The following PCCA variants were observed in gnomAD, a reference collection of about 807,000 sequenced individuals.
The protein encoded by PCCA is propionyl-CoA carboxylase subunit alpha, also known as propionyl-CoA carboxylase alpha chain, mitochondrial.
In PCCA, 74 loss-of-function variants were observed where a neutral mutation model predicts 101.3. That is an observed-to-expected ratio of 0.73 (90% CI 0.61 to 0.89). PCCA has a LOEUF of 0.89. PCCA is among the 40% of genes least tolerant of loss of function. The pLI is 0.00. For missense variants in PCCA, 891 were observed against 907.0 expected (o/e 0.98, Z 0.23); for synonymous variants, 294 against 313.6 (o/e 0.94, Z 0.66).
rs773402988 is a variant in PCCA at position 100,425,651 on chromosome 13, A to C, written c.1765A>C (p.Lys589Gln). The C allele has an allele frequency of 6.2e-7, 1 of 1,613,918 alleles. No homozygotes were observed. Among genetic ancestry groups the C allele is most frequent in the Non-Finnish European group, 8.5e-7 (1 of 1,179,762 alleles). Residue 589 changes from lysine to glutamine, a missense_variant, in exon 20 of 24, where the codon AAA becomes CAA. Lys to Gln is a moderately conservative substitution (Grantham distance 53). Transcript: ENST00000376285. ...ACAACAGGTGGAAGTTGATGGGTCG[A>C]AACTAAATGTGACCAGCACGTGGAA... is the stretch of plus-strand genomic sequence containing the variant. ...SVFSVEVDGS[K>Q]LNVTSTWNLA...
At chr13:100,336,944 C>G (rs1411527221) in intron 17 of PCCA, among the ~76,000 whole-genome samples, 1 of 152,174 alleles carries the variant, frequency 6.6e-6, no homozygotes, top group Non-Finnish European at 1.5e-5. Context: ...GGCTGGAGCT[C>G]TCAGTCCTTC....
chr13:100,110,926 C>T (rs1182539506), intron 2 of PCCA, among the ~76,000 whole-genome samples: 2 of 152,086 alleles, frequency 1.3e-5, no homozygotes, highest in Non-Finnish European at 2.9e-5. Flanking sequence ...CTGCCTCAGC[C>T]TCCCAAGTAG....
chr13:100,358,671 A>G (rs1485340713), intron 18 of PCCA, among the ~76,000 whole-genome samples: 1 of 152,220 alleles, frequency 6.6e-6, no homozygotes, highest in Non-Finnish European at 1.5e-5. Context: ...AAAAAGAGAA[A>G]GAAAAATGTG....
At chr13:100,240,956 C>G (rs935382611) in intron 8 of PCCA, among the ~76,000 whole-genome samples, 3 of 152,034 alleles carry the variant, frequency 2.0e-5, no homozygotes, top group African/African-American at 7.3e-5. Flanking sequence ...AACTTAGAAT[C>G]CCACCAAGGT....
chr13:100,512,454 C>A (rs1372465501), intron 21 of PCCA, among the ~76,000 whole-genome samples: 1 of 152,206 alleles, frequency 6.6e-6, no homozygotes, highest in African/African-American at 2.4e-5. Context: ...TCTGTTCTCA[C>A]TTACGTGGTG....
intron 6 of PCCA, among the ~76,000 whole-genome samples, chr13:100,187,454 A>G (rs2057376913): frequency 6.6e-6 from 1 of 152,194 alleles, no homozygotes. Context: ...GCTGACCACA[A>G]GGTGGGGAAT....
At chr13:100,093,636 A>G (rs1306024342) in intron 1 of PCCA, among the ~76,000 whole-genome samples, 4 of 152,318 alleles carry the variant, frequency 2.6e-5, no homozygotes, top group Non-Finnish European at 1.5e-5. Flanking sequence ...TGATGAGGCC[A>G]GGTGTGGTAG....
At chr13:100,462,672 A>G (rs2082249856) in intron 21 of PCCA, among the ~76,000 whole-genome samples, 1 of 152,234 alleles carries the variant, frequency 6.6e-6, no homozygotes, top group South Asian at 2.1e-4. Context: ...ACTGTATTTC[A>G]TATCTTATTA....
At chr13:100,525,022 TAGATAGAC>T (rs1324385742) in intron 22 of PCCA, among the ~76,000 whole-genome samples, 8 of 141,622 alleles carry the variant, frequency 5.6e-5, no homozygotes, top group African/African-American at 1.9e-4. Flanking sequence ...GATAGATAGA[TAGATAGAC>T]AGACAGACAG....
intron 21 of PCCA, among the ~76,000 whole-genome samples, chr13:100,510,126 A>T (rs1457119500): frequency 6.6e-6 from 1 of 152,180 alleles, no homozygotes; most frequent in African/African-American, 2.4e-5. Flanking sequence ...GGAATGTAAA[A>T]TTAATTTTTC....
chr13:100,264,146 A>C (rs201245253), intron 10 of PCCA, among the ~76,000 whole-genome samples: 7 of 81,324 alleles, frequency 8.6e-5, no homozygotes, highest in South Asian at 6.5e-4. Context: ...GTATCTGTAT[A>C]TCGTATATAT....
intron 19 of PCCA, among the ~76,000 whole-genome samples, chr13:100,413,772 C>T (rs1449435700): frequency 6.6e-6 from 1 of 152,164 alleles, no homozygotes; most frequent in Non-Finnish European, 1.5e-5. Context: ...CACGGCAATA[C>T]TGCATAGAAA....
At chr13:100,266,119 C>T (rs530386126) in intron 10 of PCCA, among the ~76,000 whole-genome samples, 1 of 152,244 alleles carries the variant, frequency 6.6e-6, no homozygotes. Context: ...ACTGTATTCC[C>T]CATCTAGCAC....
intron 11 of PCCA, among the ~76,000 whole-genome samples, chr13:100,272,202 C>T (rs1387322589): frequency 1.3e-5 from 2 of 152,062 alleles, no homozygotes; most frequent in Admixed American, 6.6e-5. Context: ...GGATGTATTG[C>T]TGATTCTTGT....
intron 9 of PCCA, among the ~76,000 whole-genome samples, chr13:100,260,298 G>GAAA (rs1169342198): frequency 4.6e-5 from 7 of 151,914 alleles, no homozygotes; most frequent in Admixed American, 2.6e-4. Context: ...AGACCTCTGA[G>GAAA]AAATGAGTTT....
intron 18 of PCCA, among the ~76,000 whole-genome samples, chr13:100,343,689 A>G (rs2071735898): frequency 6.6e-6 from 1 of 152,236 alleles, no homozygotes; most frequent in African/African-American, 2.4e-5. Flanking sequence ...GTACAACTGT[A>G]TGAATGTATT....
intron 19 of PCCA, among the ~76,000 whole-genome samples, chr13:100,385,222 T>A (rs1308980770): frequency 6.6e-6 from 1 of 152,224 alleles, no homozygotes; most frequent in African/African-American, 2.4e-5. Context: ...AACTTTTTCC[T>A]TGATAAAATT....
At chr13:100,232,500 C>T (rs949414961) in intron 7 of PCCA, among the ~76,000 whole-genome samples, 12 of 152,014 alleles carry the variant, frequency 7.9e-5, no homozygotes, top group Non-Finnish European at 1.3e-4. Context: ...CCTGCCTCAG[C>T]CTCCCAAGTA....
chr13:100,147,401 G>A (rs376379661), intron 4 of PCCA, among the ~76,000 whole-genome samples: 3 of 152,194 alleles, frequency 2.0e-5, no homozygotes, highest in African/African-American at 7.2e-5. Flanking sequence ...AGCAGTGATA[G>A]CTGCTGCTGG....
Sources: allele counts gnomAD v4.1 joint callset (sites outside exome capture counted in the v4.1 genomes callset), GRCh38; gene constraint gnomAD v4.1.1; transcripts MANE v1.5; gene names NCBI Gene and HGNC (gene_info 2026-07-23, HGNC 2026-07-21).